SCMH1: variants seen among roughly 807,000 people sequenced by gnomAD.
SCMH1 encodes polycomb protein SCMH1.
A neutral mutation model predicts 70.8 loss-of-function variants in SCMH1; 37 were observed. The ratio of observed to expected loss-of-function variants is 0.52; its 90% CI spans 0.40 to 0.69. The LOEUF (loss-of-function observed/expected upper bound fraction) is 0.69, where lower values mean the gene tolerates loss of function less well. Among genes scored for constraint, SCMH1 ranks in the 30% least tolerant of loss-of-function variants. The pLI is 0.00. For missense variants in SCMH1, 607 were observed against 827.3 expected, an observed-to-expected ratio of 0.73 and a Z score of 3.27; for synonymous variants, 292 against 307.4, an observed-to-expected ratio of 0.95 and a Z score of 0.52.
At chr1:41,143,953 C>T (rs113582767) in intron 5 of SCMH1, among the ~76,000 whole-genome samples, 14 of 152,226 alleles carry the variant, frequency 9.2e-5, no homozygotes, top group South Asian at 2.1e-4. Context: ...ACCATGCTGA[C>T]GGAGATTTGG....
chr1:41,159,699 A>T (rs754951456), intron 4 of SCMH1: 17 of 1,527,398 alleles, frequency 1.1e-5, no homozygotes, highest in Non-Finnish European at 1.4e-5. Context: ...AATAACTATC[A>T]TTTATCAAGT....
At chr1:41,203,741 A>T (rs1334381218) in intron 1 of SCMH1, among the ~76,000 whole-genome samples, 3 of 152,262 alleles carry the variant, frequency 2.0e-5, no homozygotes, top group South Asian at 2.1e-4. Context: ...CCTTAAGGAC[A>T]TGCTCCTGCT....
intron 4 of SCMH1, among the ~76,000 whole-genome samples, chr1:41,160,522 T>C (rs1645925467): frequency 6.6e-6 from 1 of 152,156 alleles, no homozygotes; most frequent in African/African-American, 2.4e-5. Flanking sequence ...GGGGGAAAAA[T>C]CCCACCAAAC....
At chr1:41,055,510 C>T (rs566847538) in intron 10 of SCMH1, among the ~76,000 whole-genome samples, 65 of 152,192 alleles carry the variant, frequency 4.3e-4, no homozygotes, top group African/African-American at 1.3e-3. Flanking sequence ...CCACCATGCC[C>T]GGCTAATTTT....
intron 1 of SCMH1, among the ~76,000 whole-genome samples, chr1:41,195,023 G>A (rs550241910): frequency 4.0e-5 from 6 of 150,780 alleles, no homozygotes; most frequent in South Asian, 2.1e-4. Context: ...CCCACCTACC[G>A]GGCAGGCTGA....
At chr1:41,131,841 T>C (rs59629772) in intron 6 of SCMH1, among the ~76,000 whole-genome samples, 2,032 of 152,290 alleles carry the variant, frequency 0.013, 47 homozygotes, top group African/African-American at 0.046. Context: ...AGAATGATGG[T>C]TTCCAGCTTC....
intron 12 of SCMH1, among the ~76,000 whole-genome samples, chr1:41,040,059 A>G (rs1405631457): frequency 6.6e-6 from 1 of 152,012 alleles, no homozygotes; most frequent in Non-Finnish European, 1.5e-5. Context: ...TTAGTCAATG[A>G]TCACTGCCTT....
intron 6 of SCMH1, among the ~76,000 whole-genome samples, chr1:41,135,415 G>T (rs562047011): frequency 6.6e-6 from 1 of 152,292 alleles, no homozygotes; most frequent in South Asian, 2.1e-4. Context: ...CTATTCTCAT[G>T]ATAATGAGTA....
chr1:41,108,485 C>T (rs151078195), intron 8 of SCMH1, among the ~76,000 whole-genome samples: 1 of 152,152 alleles, frequency 6.6e-6, no homozygotes, highest in Non-Finnish European at 1.5e-5. Context: ...CATTTAAAAA[C>T]TAAAGCATGT....
At chr1:41,044,432 GGCAGGCAA>G (rs1226842184) in intron 12 of SCMH1, among the ~76,000 whole-genome samples, 6 of 151,706 alleles carry the variant, frequency 4.0e-5, no homozygotes. Context: ...GGGTCAGTAA[GGCAGGCAA>G]GCAGGCAGGA....
intron 9 of SCMH1, among the ~76,000 whole-genome samples, chr1:41,074,886 G>A (rs1016987746): frequency 6.6e-6 from 1 of 152,140 alleles, no homozygotes; most frequent in Non-Finnish European, 1.5e-5. Context: ...CTTTTGAGAC[G>A]GAGTCTCGCT....
At chr1:41,205,280 T>C (rs1276522589) in intron 1 of SCMH1, among the ~76,000 whole-genome samples, 1 of 152,190 alleles carries the variant, frequency 6.6e-6, no homozygotes, top group East Asian at 1.9e-4. Context: ...GGGATTTCCC[T>C]TTCCTAGCCA....
At chr1:41,206,788 G>A (rs183599742) in intron 1 of SCMH1, among the ~76,000 whole-genome samples, 4 of 152,322 alleles carry the variant, frequency 2.6e-5, no homozygotes, top group Non-Finnish European at 5.9e-5. Flanking sequence ...AGGATAGCCA[G>A]AGAGAAAGGT....
At chr1:41,173,095 C>T (rs1295582981) in intron 2 of SCMH1, among the ~76,000 whole-genome samples, 2 of 151,890 alleles carry the variant, frequency 1.3e-5, no homozygotes, top group Non-Finnish European at 2.9e-5. Context: ...TTAGACATCA[C>T]GAGATTATAT....
chr1:41,128,257 T>C (rs1330998713), intron 6 of SCMH1, among the ~76,000 whole-genome samples: 2 of 152,228 alleles, frequency 1.3e-5, no homozygotes, highest in African/African-American at 2.4e-5. Context: ...ACCTACAAAT[T>C]TTCCTCATTG....
At chr1:41,124,486 T>C (rs971556688) in intron 6 of SCMH1, among the ~76,000 whole-genome samples, 3 of 142,744 alleles carry the variant, frequency 2.1e-5, no homozygotes, top group Non-Finnish European at 4.5e-5. Flanking sequence ...TTGTTTGCTT[T>C]GTATGACACT....
intron 1 of SCMH1, among the ~76,000 whole-genome samples, chr1:41,227,595 TGGAG>T (rs1205390515): frequency 6.6e-6 from 1 of 152,074 alleles, no homozygotes; most frequent in African/African-American, 2.4e-5. Context: ...TGCCAGGAAC[TGGAG>T]GGAGGGAGGA....
intron 8 of SCMH1, among the ~76,000 whole-genome samples, chr1:41,085,649 G>A (rs1449078069): frequency 6.6e-6 from 1 of 152,098 alleles, no homozygotes; most frequent in African/African-American, 2.4e-5. Flanking sequence ...TGTGGCTCCT[G>A]AGCACTTGCA....
intron 13 of SCMH1, among the ~76,000 whole-genome samples, chr1:41,029,016 C>T (rs886716203): frequency 3.9e-5 from 6 of 152,006 alleles, no homozygotes; most frequent in Admixed American, 3.3e-4. Context: ...GGTAAGGGGA[C>T]TATTTGGGTG....
Sources: gnomAD v4.1 joint callset for allele counts (sites outside exome capture counted in the v4.1 genomes callset) on GRCh38, gnomAD v4.1.1 for gene constraint, MANE v1.5 for transcripts, NCBI Gene and HGNC (gene_info 2026-07-23, HGNC 2026-07-21) for gene names.